Variants in AGAP1 observed in about 807,000 individuals in gnomAD.
The protein encoded by AGAP1 is arf-GAP with GTPase, ANK repeat and PH domain-containing protein 1.
In AGAP1, 29 loss-of-function variants were observed where a neutral mutation model predicts 105.3. That is an observed-to-expected ratio of 0.28 (90% CI 0.21 to 0.38). The LOEUF (loss-of-function observed/expected upper bound fraction) is 0.38, where lower values mean the gene tolerates loss of function less well. Among genes scored for constraint, AGAP1 ranks in the 10% least tolerant of loss-of-function variants. The pLI is 1.00. For synonymous variants in AGAP1, 509 were observed against 485.9 expected (o/e 1.05, Z -0.63); for missense variants, 998 against 1,165.1 (o/e 0.86, Z 2.09).
In AGAP1 at chr2:235,549,880, C is replaced by T. The variant is rs761163041; in HGVS notation, c.163+55031C>T. ...TAGTGGAGTGAGTGGGAGGACTCGCCCTGCGCAGGTGGAGGGTGATGAGAG... is the reference window on the plus strand; with the variant it reads ...TAGTGGAGTGAGTGGGAGGACTCGCTCTGCGCAGGTGGAGGGTGATGAGAG... On this transcript the variant is annotated intron_variant, in intron 1 of 17. Coordinates refer to ENST00000304032, the MANE Select transcript of AGAP1 (RefSeq NM_001037131.3). This position sits in a 1 kb window ranked among gnomAD's most constrained non-coding sequence, Gnocchi z 4.2. Among the ~76,000 whole-genome samples the T allele has an allele frequency of 1.7e-4, 26 of 152,082 alleles. No homozygotes were observed. Among genetic ancestry groups the T allele is most frequent in the Non-Finnish European group, 7.4e-5 (5 of 68,012 alleles).
intron 11 of AGAP1, among the ~76,000 whole-genome samples, chr2:235,928,742 C>T (rs1482613707): frequency 3.3e-5 from 5 of 152,098 alleles, no homozygotes; most frequent in African/African-American, 1.2e-4. Context: ...TAATAGGGAT[C>T]TGGCTAAGGC....
rs1225621997 is a variant in AGAP1, at chr2:235,625,169, C to T, written c.164-84010C>T. Among the ~76,000 whole-genome samples the T allele has an allele frequency of 6.6e-6, 1 of 152,200 alleles. No homozygotes were observed. Among genetic ancestry groups the T allele is most frequent in the Non-Finnish European group, 1.5e-5 (1 of 68,048 alleles). ...AATCATTCCAGGTGCCTGCTCTAGA[C>T]TCTTGGTGTTGCTCTTCTTTCCTTC... On this transcript the variant is annotated intron_variant, in intron 1 of 17. Coordinates refer to ENST00000304032, the MANE Select transcript of AGAP1 (RefSeq NM_001037131.3). The surrounding 1 kb of genome is among the most constrained non-coding windows in gnomAD (Gnocchi z 4.0).
chr2:235,817,290 C>T (rs1958513938), intron 9 of AGAP1, among the ~76,000 whole-genome samples: 1 of 151,958 alleles, frequency 6.6e-6, no homozygotes, highest in South Asian at 2.1e-4. Flanking sequence ...TGACATGGTT[C>T]TGCTTGTTGC....
rs1944952824 is a variant in AGAP1 at position 235,582,131 on chromosome 2, C to A, written c.163+87282C>A. ...ATGCTATGGGGCTGTCTGCTCTATACGAGGAGCAGAGACCCCTGGATCCTA... is the reference window on the plus strand; with the variant it reads ...ATGCTATGGGGCTGTCTGCTCTATAAGAGGAGCAGAGACCCCTGGATCCTA... On this transcript the variant is annotated intron_variant, in intron 1 of 17. Coordinates refer to ENST00000304032, the MANE Select transcript of AGAP1 (RefSeq NM_001037131.3). The surrounding 1 kb of genome is among the most constrained non-coding windows in gnomAD (Gnocchi z 4.7). Among the ~76,000 whole-genome samples, 1 of 152,110 alleles carries A rather than the reference C, an allele frequency of 6.6e-6. No homozygotes were observed. Among genetic ancestry groups the A allele is most frequent in the Admixed American group, 6.5e-5 (1 of 15,278 alleles).
rs374045675 is a variant in AGAP1, at chr2:235,750,400, G to C, written c.585G>C (p.Ala195=). The C allele has an allele frequency of 3.8e-5, 62 of 1,614,086 alleles. No homozygotes were observed. Among genetic ancestry groups the C allele is most frequent in the African/African-American group, 5.3e-5 (4 of 74,918 alleles). ...CGAGGGTCATCGATGACGCCAGGGC[G>C]AGGAAGCTCTCCAACGACCTGAAAC... ...ANPRVIDDAR[A]RKLSNDLKRC... The change falls in exon 6 of 18, where the codon GCG becomes GCC. Residue 195 remains alanine, a synonymous_variant. Coordinates refer to ENST00000304032, the MANE Select transcript of AGAP1 (RefSeq NM_001037131.3). The surrounding 1 kb of genome is among the most constrained non-coding windows in gnomAD (Gnocchi z 5.3).
intron 11 of AGAP1, among the ~76,000 whole-genome samples, chr2:235,926,286 G>C (rs1001259266): frequency 6.6e-6 from 1 of 152,216 alleles, no homozygotes; most frequent in African/African-American, 2.4e-5. Context: ...CACATTTGGG[G>C]GTGGTTCGTT....
intron 9 of AGAP1, among the ~76,000 whole-genome samples, chr2:235,859,398 C>CT (rs1393520958): frequency 1.2e-5 from 1 of 84,026 alleles, no homozygotes; most frequent in Admixed American, 1.4e-4. Context: ...CAACCTCCCC[C>CT]CCCCCCCCCG....
intron 13 of AGAP1, among the ~76,000 whole-genome samples, chr2:236,007,378 C>T (rs10204247): frequency 0.011 from 1,631 of 152,274 alleles, 43 homozygotes; most frequent in African/African-American, 0.037. Context: ...TCATTTCACC[C>T]GCTGTAGTTG....
At chr2:235,835,386 A>G (rs570254036) in intron 9 of AGAP1, among the ~76,000 whole-genome samples, 1 of 152,164 alleles carries the variant, frequency 6.6e-6, no homozygotes, top group Non-Finnish European at 1.5e-5. Context: ...GTGCTGCCAC[A>G]CCTGGCAGAG....
At chr2:235,949,899 C>G (rs1322805616) in intron 12 of AGAP1, among the ~76,000 whole-genome samples, 1 of 152,164 alleles carries the variant, frequency 6.6e-6, no homozygotes, top group African/African-American at 2.4e-5. Flanking sequence ...CTCGCCTAGG[C>G]AAAAGTATCA....
Position 235,992,749 on chromosome 2 carries a change from G to A in AGAP1, c.1645+24126G>A, listed in dbSNP as rs927943008. Among the ~76,000 whole-genome samples, 4 of 152,186 alleles carry A rather than the reference G, an allele frequency of 2.6e-5. No homozygotes were observed. The highest frequency in any genetic ancestry group is 2.1e-4 in the South Asian group (1 of 4,826). ...GGTCCTGCACACCTGGGGATGCGTCGTGGGCGCCGAGGAGAGCGTAGCCTC... is the reference window on the plus strand; with the variant it reads ...GGTCCTGCACACCTGGGGATGCGTCATGGGCGCCGAGGAGAGCGTAGCCTC... On this transcript the variant is annotated intron_variant, in intron 13 of 17. Coordinates refer to ENST00000304032, the MANE Select transcript of AGAP1 (RefSeq NM_001037131.3). This position sits in a 1 kb window ranked among gnomAD's most constrained non-coding sequence, Gnocchi z 4.8.
At chr2:235,606,880 G>A (rs770747667) in intron 1 of AGAP1, among the ~76,000 whole-genome samples, 1 of 145,986 alleles carries the variant, frequency 6.8e-6, no homozygotes, top group African/African-American at 2.6e-5. Context: ...GGCGGAGGCT[G>A]CAGTGAGCTG....
chr2:235,989,062 C>A lies in AGAP1; in HGVS notation c.1645+20439C>A, dbSNP rs1322992212. On this transcript the variant is annotated intron_variant, in intron 13 of 17. Transcript: ENST00000304032. This position sits in a 1 kb window ranked among gnomAD's most constrained non-coding sequence, Gnocchi z 4.4. ...TTTTTCTGTTCTTCAGAGTTTGCAT[C>A]CCCTGAGAATTCCTCTCCTGTGTCC... 6.6e-6 allele frequency among the ~76,000 whole-genome samples: 1 copy of A among 152,178 alleles called. No homozygotes were observed. The highest frequency in any genetic ancestry group is 1.5e-5 in the Non-Finnish European group (1 of 68,028).
rs1184878070 is a variant in AGAP1 at position 235,893,831 on chromosome 2, C to A, written c.1155+10382C>A. ...TCCAATCGTGTGACTCCTTCAGCAT[C>A]TTTGCTCCTGAACTTCCTGGACTCC... On this transcript the variant is annotated intron_variant, in intron 10 of 17. Coordinates refer to ENST00000304032, the MANE Select transcript of AGAP1 (RefSeq NM_001037131.3). This position sits in a 1 kb window ranked among gnomAD's most constrained non-coding sequence, Gnocchi z 4.7. Among the ~76,000 whole-genome samples the A allele has an allele frequency of 6.6e-6, 1 of 152,166 alleles. No individual in the cohort carries two copies. Among genetic ancestry groups the A allele is most frequent in the Non-Finnish European group, 1.5e-5 (1 of 68,026 alleles).
intron 1 of AGAP1, among the ~76,000 whole-genome samples, chr2:235,497,947 G>C (rs1277373896): frequency 6.6e-6 from 1 of 152,048 alleles, no homozygotes; most frequent in Non-Finnish European, 1.5e-5. Context: ...TTCTCTTGTT[G>C]GCACAAAATT....
chr2:235,980,057 G>A (rs542802127), intron 13 of AGAP1, among the ~76,000 whole-genome samples: 2 of 152,326 alleles, frequency 1.3e-5, no homozygotes, highest in South Asian at 2.1e-4. Context: ...CCGCTTGACA[G>A]TAATGATCTT....
intron 1 of AGAP1, among the ~76,000 whole-genome samples, chr2:235,545,483 C>T (rs1943592940): frequency 6.6e-6 from 1 of 152,180 alleles, no homozygotes; most frequent in Non-Finnish European, 1.5e-5. Context: ...GTCTCTTGCA[C>T]CTGCGGGGGA....
chr2:235,896,163 G>T (rs1234305066), intron 10 of AGAP1, among the ~76,000 whole-genome samples: 2 of 152,134 alleles, frequency 1.3e-5, no homozygotes, highest in East Asian at 3.9e-4. Context: ...CTATGAATTT[G>T]TCTGCTCTAG....
Position 235,705,277 on chromosome 2 carries a change from C to T in AGAP1, c.164-3902C>T, listed in dbSNP as rs1950485329. Among the ~76,000 whole-genome samples the T allele has an allele frequency of 6.6e-6, 1 of 152,202 alleles. No homozygotes were observed. The highest frequency in any genetic ancestry group is 6.5e-5 in the Admixed American group (1 of 15,284). Reference sequence around the variant, plus strand: ...TACAGGCGTGAGCCACCACGCCTGGCCCAGACACTTCTGAGAACGAGCTAC... The same window carrying T: ...TACAGGCGTGAGCCACCACGCCTGGTCCAGACACTTCTGAGAACGAGCTAC... On this transcript the variant is annotated intron_variant, in intron 1 of 17. Transcript: ENST00000304032. This position sits in a 1 kb window ranked among gnomAD's most constrained non-coding sequence, Gnocchi z 4.9.
Sources: allele counts gnomAD v4.1 joint callset (sites outside exome capture counted in the v4.1 genomes callset), GRCh38; gene constraint gnomAD v4.1.1; non-coding constraint Gnocchi (gnomAD v3.1); transcripts MANE v1.5; gene names NCBI Gene and HGNC (gene_info 2026-07-23, HGNC 2026-07-21).